Variants in ABRAXAS2 observed in about 807,000 individuals in gnomAD.
ABRAXAS2 encodes the protein BRISC complex subunit Abraxas 2.
ABRAXAS2 carries 23 observed loss-of-function variants against 49.0 expected under a neutral mutation model. The ratio of observed to expected loss-of-function variants is 0.47; its 90% CI spans 0.34 to 0.66. The LOEUF (loss-of-function observed/expected upper bound fraction) is 0.66. Ranked by LOEUF, ABRAXAS2 falls within the 30% of genes least tolerant of loss-of-function variation. The pLI is 0.01. For missense variants in ABRAXAS2, 443 were observed against 511.9 expected (o/e 0.87, Z 1.30); for synonymous variants, 168 against 180.2 (o/e 0.93, Z 0.54).
At chr10:124,827,269 C>G (rs956683776) in intron 5 of ABRAXAS2, among the ~76,000 whole-genome samples, 1 of 150,604 alleles carries the variant, frequency 6.6e-6, no homozygotes, top group African/African-American at 2.4e-5. Context: ...AAGCGATTCT[C>G]TTGCCTCAGC....
chr10:124,829,037 A>G (rs1161272911), intron 6 of ABRAXAS2, among the ~76,000 whole-genome samples, 162 bp downstream of exon 6: 2 of 152,238 alleles, frequency 1.3e-5, no homozygotes, highest in Admixed American at 1.3e-4. Flanking sequence ...CATGTATCAA[A>G]ATTTTGTTCT....
At position 124,816,568 on chromosome 10, in the gene ABRAXAS2, A is replaced by G. The variant is rs371163489; in HGVS notation, c.164-8A>G. 5 of 1,594,280 alleles carry G rather than the reference A, an allele frequency of 3.1e-6. No homozygotes were observed. The African/African-American group carries it at 4.0e-5, about 13-fold the overall frequency. On this transcript the variant is annotated splice_region_variant and splice_polypyrimidine_tract_variant and intron_variant, in intron 2 of 8. Coordinates refer to ENST00000298492, the MANE Select transcript of ABRAXAS2 (RefSeq NM_032182.4). ...TAACTAAGATGTATTTCCTCTTTCT[A>G]ATTACAGAAATCCATAACCATCAGC... is the stretch of plus-strand genomic sequence containing the variant.
chr10:124,813,663 C>T (rs956077323), intron 2 of ABRAXAS2, among the ~76,000 whole-genome samples: 2 of 152,178 alleles, frequency 1.3e-5, no homozygotes, highest in African/African-American at 4.8e-5. Context: ...TGTTTGAGAT[C>T]ATCACCCTGT....
chr10:124,816,674 A>T, intron 3 of ABRAXAS2, 62 bp downstream of exon 3: 2 of 1,255,552 alleles, frequency 1.6e-6, no homozygotes, highest in South Asian at 2.5e-5. Context: ...AAAACTAGTG[A>T]ATTTTGGCCT....
chr10:124,806,523 T>C (rs1011157556), intron 1 of ABRAXAS2, among the ~76,000 whole-genome samples: 1 of 152,232 alleles, frequency 6.6e-6, no homozygotes, highest in African/African-American at 2.4e-5. Flanking sequence ...TTTCTACTTC[T>C]TGAGTTTTTT....
chr10:124,829,086 C>A (rs146206933), intron 6 of ABRAXAS2, among the ~76,000 whole-genome samples: 1 of 152,162 alleles, frequency 6.6e-6, no homozygotes. Context: ...TTTTTTAAAT[C>A]ATTTGCCACA....
At chr10:124,824,455 G>T (rs1286905724) in intron 4 of ABRAXAS2, among the ~76,000 whole-genome samples, 1 of 151,572 alleles carries the variant, frequency 6.6e-6, no homozygotes, top group Admixed American at 6.6e-5. Context: ...CTTGAACCTA[G>T]GAGGTGGAGG....
intron 2 of ABRAXAS2, among the ~76,000 whole-genome samples, chr10:124,810,280 C>A (rs1233052216): frequency 6.6e-6 from 1 of 152,154 alleles, no homozygotes; most frequent in Non-Finnish European, 1.5e-5. Flanking sequence ...AATCCCAACA[C>A]TTCGGGAGGC....
intron 5 of ABRAXAS2, among the ~76,000 whole-genome samples, chr10:124,827,899 A>G (rs942398376): frequency 3.9e-5 from 6 of 152,350 alleles, no homozygotes; most frequent in Middle Eastern, 3.4e-3. Flanking sequence ...AAAGGTTTTT[A>G]TAAGATTTCA....
intron 2 of ABRAXAS2, among the ~76,000 whole-genome samples, chr10:124,807,459 C>A (rs1950753436): frequency 1.3e-5 from 2 of 151,190 alleles, no homozygotes; most frequent in Admixed American, 6.6e-5. Flanking sequence ...TCGAGACCAG[C>A]CTGGCCCACA....
chr10:124,808,230 CAG>C (rs1396763146), intron 2 of ABRAXAS2, among the ~76,000 whole-genome samples: 1 of 151,224 alleles, frequency 6.6e-6, no homozygotes, highest in Middle Eastern at 3.4e-3. Context: ...GGCTAGAGTG[CAG>C]TGGCACGATC....
At chr10:124,806,159 AGC>A (rs1186679798) in intron 1 of ABRAXAS2, among the ~76,000 whole-genome samples, 32 of 151,850 alleles carry the variant, frequency 2.1e-4, no homozygotes, top group Non-Finnish European at 4.4e-4. Context: ...AAAAAAAATT[AGC>A]CAGGCATGGT....
intron 8 of ABRAXAS2, among the ~76,000 whole-genome samples, chr10:124,832,027 AT>A (rs200203447): frequency 6.7e-6 from 1 of 148,270 alleles, no homozygotes. Flanking sequence ...TAATTTTTGT[AT>A]TTTTTTTCTT....
chr10:124,819,314 A>T, intron 3 of ABRAXAS2, 70 bp from the exon 4 acceptor site: 1 of 1,244,572 alleles, frequency 8.0e-7, no homozygotes, highest in African/African-American at 1.5e-5. Flanking sequence ...TACCACAGGC[A>T]TATGCAGCCA....
chr10:124,816,226 G>A (rs1047081984), intron 2 of ABRAXAS2, among the ~76,000 whole-genome samples: 1 of 152,054 alleles, frequency 6.6e-6, no homozygotes, highest in African/African-American at 2.4e-5. Context: ...TATCCCACTT[G>A]ATTAAATGCT....
chr10:124,819,171 T>A (rs1182625089), intron 3 of ABRAXAS2, among the ~76,000 whole-genome samples: 11 of 152,228 alleles, frequency 7.2e-5, no homozygotes, highest in Admixed American at 5.9e-4. Context: ...AAGTAATATC[T>A]TTTGAATGTA....
chr10:124,832,426 G>C lies in ABRAXAS2; in HGVS notation c.778+963G>C, dbSNP rs190935985. On this transcript the variant is annotated intron_variant, in intron 8 of 8. Transcript: ENST00000298492. ...ATGGCAGATAATGTCAAGTGTAAAAGATAAGGTTAGGGCTAAACTTTTCTA... is the reference window on the plus strand; with the variant it reads ...ATGGCAGATAATGTCAAGTGTAAAACATAAGGTTAGGGCTAAACTTTTCTA... Among the ~76,000 whole-genome samples, 260 of 152,298 alleles carry C rather than the reference G, an allele frequency of 1.7e-3. 1 individual carries two copies. Among genetic ancestry groups the C allele is most frequent in the African/African-American group, 6.0e-3 (248 of 41,568 alleles).
At position 124,805,843 on chromosome 10, in the gene ABRAXAS2, A is replaced by T. The variant is rs373834533; in HGVS notation, c.73-988A>T. On this transcript the variant is annotated intron_variant, in intron 1 of 8. Coordinates refer to ENST00000298492, the MANE Select transcript of ABRAXAS2 (RefSeq NM_032182.4). ...GATTCCAGGACAGCTTCTCAGTTCA[A>T]CCCTCTGTATAGGAAAGTTACTTTA... Among the ~76,000 whole-genome samples, 31 of 152,214 alleles carry T rather than the reference A, an allele frequency of 2.0e-4. 1 individual carries two copies. In the South Asian group the frequency reaches 6.0e-3, roughly 30 times the overall value.
intron 6 of ABRAXAS2, 68 bp from the exon 7 acceptor site, chr10:124,829,324 GA>G: frequency 1.8e-6 from 2 of 1,082,042 alleles, no homozygotes; most frequent in Non-Finnish European, 2.8e-6. Context: ...GAAGAGGCAG[GA>G]AAAATGCCTT....
Sources: gnomAD v4.1 joint callset for allele counts (sites outside exome capture counted in the v4.1 genomes callset) on GRCh38, gnomAD v4.1.1 for gene constraint, MANE v1.5 for transcripts, NCBI Gene and HGNC (gene_info 2026-07-23, HGNC 2026-07-21) for gene names.